Variants in AKNA observed in about 807,000 individuals in gnomAD.
AKNA encodes the protein microtubule organization protein AKNA.
A neutral mutation model predicts 138.8 loss-of-function variants in AKNA; 67 were observed. The observed-to-expected ratio is 0.48, with a 90% CI of 0.40 to 0.59. The LOEUF (loss-of-function observed/expected upper bound fraction) is 0.59. AKNA is among the 20% of genes least tolerant of loss of function. The pLI, the probability that AKNA is intolerant of heterozygous loss-of-function variation, is 0.00. For synonymous variants in AKNA, 737 were observed against 754.4 expected (o/e 0.98, Z 0.38); for missense variants, 1,813 against 1,880.4 (o/e 0.96, Z 0.66).
At chr9:114,374,482 C>T (rs1230991009) in intron 3 of AKNA, among the ~76,000 whole-genome samples, 1 of 152,192 alleles carries the variant, frequency 6.6e-6, no homozygotes, top group East Asian at 1.9e-4. Flanking sequence ...TGTTTTATTT[C>T]TCCAAATGCC....
chr9:114,333,835 T>A (rs1237297671), downstream of AKNA, among the ~76,000 whole-genome samples: 5 of 150,946 alleles, frequency 3.3e-5, no homozygotes, highest in East Asian at 9.6e-4. Flanking sequence ...AGGTGTGATA[T>A]TGTTTGGCTC....
chr9:114,387,940 C>T lies in AKNA; in HGVS notation c.-194G>A. The T allele has an allele frequency of 2.2e-6, 1 of 448,194 alleles. No homozygotes were observed. The allele number at this position is 448,194 out of a possible 1,614,324, so 27.8% of individuals were successfully genotyped here. On this transcript the variant is annotated 5_prime_UTR_variant, in exon 1 of 22. Transcript: ENST00000374088. ...AATTCTTTGTTCCAAACCCAGGGAGCCCCCTGTCTCCATTGCGCCCTGGCC... is the reference window on the plus strand; with the variant it reads ...AATTCTTTGTTCCAAACCCAGGGAGTCCCCTGTCTCCATTGCGCCCTGGCC...
At chr9:114,352,049 T>C (rs1831161939) in intron 14 of AKNA, among the ~76,000 whole-genome samples, 1 of 152,124 alleles carries the variant, frequency 6.6e-6, no homozygotes, top group Admixed American at 6.5e-5. Context: ...GGAGAACAGA[T>C]TAGTGCTTAC....
downstream of AKNA, chr9:114,330,772 C>A (rs201696562): frequency 6.2e-7 from 1 of 1,612,566 alleles, no homozygotes; most frequent in Admixed American, 1.7e-5. Flanking sequence ...GTTTTTCTTC[C>A]GCCTTCTGGT....
At chr9:114,331,912 T>C (rs763635713), downstream of AKNA, 2 of 1,613,702 alleles carry the variant, frequency 1.2e-6, no homozygotes, top group South Asian at 2.2e-5. Context: ...AGATGTCATG[T>C]ACACCGACTG....
chr9:114,381,504 G>A (rs1263919621), intron 1 of AKNA, 58 bp from the exon 2 acceptor site: 19 of 1,289,482 alleles, frequency 1.5e-5, no homozygotes, highest in South Asian at 5.2e-5. Context: ...TCTTTTATTC[G>A]GAACAAGAAG....
At position 114,335,431 on chromosome 9, in the gene AKNA, C is replaced by T. The variant is rs747021077; in HGVS notation, c.*1623G>A. 2.0e-5 allele frequency: 3 copies of T among 152,282 alleles called. No individual in the cohort carries two copies. The highest frequency in any genetic ancestry group is 7.2e-5 in the African/African-American group (3 of 41,452). 9.4% of individuals were successfully genotyped at this position (152,282 alleles called of 1,614,324 possible). A position where few individuals can be genotyped will look rare whatever the true frequency, so the allele number is the denominator to read the frequency against. ...AATGCCCAGTGCTTAGCACCGGAAT[C>T]AGGGTCTAGCAGGTGCTCCCTAAAT... On this transcript the variant is annotated 3_prime_UTR_variant, in exon 22 of 22. Coordinates refer to ENST00000374088, the MANE Select transcript of AKNA (RefSeq NM_001317950.2).
At chr9:114,373,655 G>T (rs1832957166) in intron 4 of AKNA, among the ~76,000 whole-genome samples, 1 of 151,704 alleles carries the variant, frequency 6.6e-6, no homozygotes, top group Admixed American at 6.6e-5. Flanking sequence ...GAGGCAGGAG[G>T]ATCACTTGAG....
At chr9:114,349,879 TTCTA>T (rs1221261435) in intron 15 of AKNA, among the ~76,000 whole-genome samples, 1 of 152,202 alleles carries the variant, frequency 6.6e-6, no homozygotes, top group East Asian at 1.9e-4. Context: ...GAAGATACTC[TTCTA>T]TCTCTCTTCC....
In AKNA at chr9:114,362,394, C is replaced by G; in HGVS notation, c.1916+12G>C. On this transcript the variant is annotated intron_variant, in intron 8 of 21. Transcript: ENST00000374088. ...CCATCTGTCCTTCCAGGCCTTCCAC[C>G]CCAGCAGGTACCTGCGAGGATCAAA... 1 of 1,607,330 alleles carries G rather than the reference C, an allele frequency of 6.2e-7. No homozygotes were observed. Among genetic ancestry groups the G allele is most frequent in the South Asian group, 1.1e-5 (1 of 89,650 alleles).
upstream of AKNA, among the ~76,000 whole-genome samples, chr9:114,394,911 C>T (rs1005229952): frequency 1.3e-5 from 2 of 152,214 alleles, no homozygotes; most frequent in African/African-American, 4.8e-5. Flanking sequence ...CCACTCTGGC[C>T]CTGATCCCAG....
chr9:114,354,712 C>CAAA (rs1214629422), intron 14 of AKNA, among the ~76,000 whole-genome samples: 26 of 66,302 alleles, frequency 3.9e-4, no homozygotes, highest in African/African-American at 1.0e-3. Context: ...GACTCTGTCT[C>CAAA]AAAAAAAAAA....
chr9:114,362,017 G>A (rs1321007443), intron 8 of AKNA, 106 bp from the exon 9 acceptor site: 1 of 1,152,326 alleles, frequency 8.7e-7, no homozygotes, highest in Non-Finnish European at 1.2e-6. Flanking sequence ...CCCCCTTAGG[G>A]TCCATTTAAT....
At position 114,377,090 on chromosome 9, in the gene AKNA, G is replaced by A; in HGVS notation, c.717C>T (p.Pro239=). The part of the protein sequence containing the change: ...TALAETLPEG[P]SHHLLSPDGR... ...CATCTGGGCTTAGGAGGTGGTGGCTGGGGCCCTCTGGCAAGGTTTCTGCCA... is the reference window on the plus strand; with the variant it reads ...CATCTGGGCTTAGGAGGTGGTGGCTAGGGCCCTCTGGCAAGGTTTCTGCCA... Residue 239 remains proline, a synonymous_variant, in exon 3 of 22, where the codon CCC becomes CCT. Coordinates refer to ENST00000374088, the MANE Select transcript of AKNA (RefSeq NM_001317950.2). The A allele has an allele frequency of 6.2e-7, 1 of 1,614,122 alleles. No individual in the cohort carries two copies. Among genetic ancestry groups the A allele is most frequent in the South Asian group, 1.1e-5 (1 of 91,086 alleles).
upstream of AKNA, among the ~76,000 whole-genome samples, chr9:114,391,509 G>C (rs1336439554): frequency 6.6e-6 from 1 of 152,180 alleles, no homozygotes; most frequent in Non-Finnish European, 1.5e-5. Flanking sequence ...GAAGAGAAGA[G>C]AAGAGATTCG....
chr9:114,381,540 C>G (rs1271968669), intron 1 of AKNA, 94 bp from the exon 2 acceptor site: 5 of 1,230,032 alleles, frequency 4.1e-6, no homozygotes, highest in Non-Finnish European at 5.1e-6. Context: ...CTGGAATTAG[C>G]CCCAGTTCAA....
upstream of AKNA, among the ~76,000 whole-genome samples, chr9:114,391,371 A>C (rs769988860): frequency 3.9e-5 from 6 of 152,258 alleles, no homozygotes; most frequent in Non-Finnish European, 7.3e-5. Flanking sequence ...CTGGTTCCAC[A>C]CAGAGCCTTT....
chr9:114,393,260 G>A (rs557852102), intron 1 of AKNA, among the ~76,000 whole-genome samples: 19 of 148,310 alleles, frequency 1.3e-4, no homozygotes, highest in African/African-American at 4.3e-4. Flanking sequence ...CTGTTGCCCA[G>A]GCTGGAGGGC....
At chr9:114,378,160 C>G (rs886604271) in intron 2 of AKNA, among the ~76,000 whole-genome samples, 1 of 152,200 alleles carries the variant, frequency 6.6e-6, no homozygotes, top group East Asian at 1.9e-4. Flanking sequence ...CAAGCTCCCC[C>G]TGCTCCTGCT....
Sources: allele counts gnomAD v4.1 joint callset (sites outside exome capture counted in the v4.1 genomes callset), GRCh38; gene constraint gnomAD v4.1.1; transcripts MANE v1.5; gene names NCBI Gene and HGNC (gene_info 2026-07-23, HGNC 2026-07-21).